The following PTPRF variants were observed in gnomAD, a reference collection of about 807,000 sequenced individuals.
The protein encoded by PTPRF is receptor-type tyrosine-protein phosphatase F.
Under a neutral mutation model 201.8 loss-of-function variants are expected in PTPRF, and 59 were observed. That is an observed-to-expected ratio of 0.29 (90% confidence interval 0.24 to 0.36). The LOEUF (loss-of-function observed/expected upper bound fraction) is 0.36. Among genes scored for constraint, PTPRF ranks in the 10% least tolerant of loss-of-function variants. The pLI, the probability that PTPRF is intolerant of heterozygous loss-of-function variation, is 1.00. For missense variants in PTPRF, 2,132 were observed against 2,690.5 expected (o/e 0.79, Z 4.59); for synonymous variants, 1,088 against 1,089.7 (o/e 1.00, Z 0.03).
intron 3 of PTPRF, among the ~76,000 whole-genome samples, chr1:43,547,463 G>T (rs1015342007): frequency 1.3e-5 from 2 of 152,232 alleles, no homozygotes; most frequent in African/African-American, 4.8e-5. Context: ...AGCCGCAGGA[G>T]CCAGGGTCTG....
chr1:43,615,348 C>A (rs1220220110), intron 23 of PTPRF, among the ~76,000 whole-genome samples: 3 of 152,182 alleles, frequency 2.0e-5, no homozygotes, highest in South Asian at 2.1e-4. Context: ...ATGTCCTACA[C>A]CTGCCCTTCC....
chr1:43,544,176 C>G (rs1312979920), intron 2 of PTPRF, among the ~76,000 whole-genome samples: 5 of 151,984 alleles, frequency 3.3e-5, no homozygotes, highest in African/African-American at 7.3e-5. Context: ...ACATCAGCCC[C>G]TGAGGTTCAC....
Position 43,614,949 on chromosome 1 carries a change from C to T in PTPRF, c.4071+1234C>T, listed in dbSNP as rs1657389075. ...CTCTTCCACCTCCTCCAAGCAGCAGCCTGTGCTTGTCGTTCTGCCTTGTCC... is the reference window on the plus strand; with the variant it reads ...CTCTTCCACCTCCTCCAAGCAGCAGTCTGTGCTTGTCGTTCTGCCTTGTCC... On this transcript the variant is annotated intron_variant, in intron 23 of 33. Coordinates refer to ENST00000359947, the MANE Select transcript of PTPRF (RefSeq NM_002840.5). 2.6e-5 allele frequency among the ~76,000 whole-genome samples: 4 copies of T among 152,178 alleles called. No individual in the cohort carries two copies. In the South Asian group the frequency reaches 8.3e-4, roughly 32 times the overall value.
intron 5 of PTPRF, among the ~76,000 whole-genome samples, chr1:43,568,073 A>C (rs936967055): frequency 6.6e-6 from 1 of 152,048 alleles, no homozygotes; most frequent in African/African-American, 2.4e-5. Context: ...AGGCGGGTAG[A>C]TCACCAGAGG....
chr1:43,599,529 TAG>T (rs995499410), intron 13 of PTPRF, among the ~76,000 whole-genome samples: 1 of 152,144 alleles, frequency 6.6e-6, no homozygotes, highest in Non-Finnish European at 1.5e-5. Context: ...AGTAGCCAAG[TAG>T]AGTGTTGCCC....
At chr1:43,522,109 C>G (rs1262380672), upstream of PTPRF, among the ~76,000 whole-genome samples, 6 of 152,312 alleles carry the variant, frequency 3.9e-5, no homozygotes, top group African/African-American at 1.4e-4. Flanking sequence ...TGGCTTCTTC[C>G]CCTTCTCTGT....
intron 7 of PTPRF, among the ~76,000 whole-genome samples, chr1:43,585,429 C>T (rs913731606): frequency 3.3e-5 from 5 of 152,134 alleles, no homozygotes; most frequent in Non-Finnish European, 5.9e-5. Flanking sequence ...AACGTTTCTG[C>T]GTGGCTGAAG....
rs569057463 is a variant in PTPRF, at chr1:43,578,793, G to T, written c.569-17G>T. 6.2e-7 allele frequency: 1 copy of T among 1,601,894 alleles called. No homozygotes were observed. Among genetic ancestry groups the T allele is most frequent in the East Asian group, 2.2e-5 (1 of 44,706 alleles). On this transcript the variant is annotated splice_polypyrimidine_tract_variant and intron_variant, in intron 6 of 33. Transcript: ENST00000359947. Reference sequence around the variant, plus strand: ...CGACATGGGCCGTGCCTGACCTCTCGCTTCGTGTACCCACAGGTGCCTTGC... The same window carrying T: ...CGACATGGGCCGTGCCTGACCTCTCTCTTCGTGTACCCACAGGTGCCTTGC...
intron 9 of PTPRF, 89 bp downstream of exon 9, chr1:43,591,642 A>T: frequency 6.9e-7 from 1 of 1,448,538 alleles, no homozygotes; most frequent in Non-Finnish European, 9.2e-7. Flanking sequence ...CTCGGCTGTG[A>T]GGCTGGGGGC....
chr1:43,569,551 A>G (rs1250571968), intron 5 of PTPRF, 39 bp from the exon 6 acceptor site: 1 of 1,542,792 alleles, frequency 6.5e-7, no homozygotes, highest in East Asian at 2.3e-5. Flanking sequence ...GGGGGCAGGC[A>G]GAGCCAGCCC....
chr1:43,522,544 C>G (rs542371200), upstream of PTPRF, among the ~76,000 whole-genome samples: 1 of 152,252 alleles, frequency 6.6e-6, no homozygotes, highest in East Asian at 1.9e-4. Flanking sequence ...AGGCATCAAT[C>G]CATTAAATGT....
chr1:43,558,388 A>G (rs976735348), intron 5 of PTPRF, among the ~76,000 whole-genome samples: 1 of 151,998 alleles, frequency 6.6e-6, no homozygotes, highest in Admixed American at 6.6e-5. Context: ...AGCCCGTGGG[A>G]GTGCCCCCCC....
intron 5 of PTPRF, among the ~76,000 whole-genome samples, chr1:43,567,005 T>G (rs188346010): frequency 6.6e-6 from 1 of 152,274 alleles, no homozygotes; most frequent in East Asian, 1.9e-4. Flanking sequence ...CAGAGTAGAT[T>G]CCGAGACACA....
chr1:43,543,164 A>G (rs560966495), intron 2 of PTPRF, among the ~76,000 whole-genome samples: 27 of 152,278 alleles, frequency 1.8e-4, no homozygotes, highest in Non-Finnish European at 2.8e-4. Context: ...CTGGCATAGG[A>G]TACCAGATGT....
rs368723795 is a variant in PTPRF at position 43,606,375 on chromosome 1, C to T, written c.3619C>T (p.Arg1207Trp). Residue 1207 changes from arginine (R) to tryptophan (W), a missense_variant, in exon 20 of 34, where the codon CGG (arginine) becomes TGG (tryptophan). By Grantham distance (101) the Arg-to-Trp change is moderately radical. Coordinates refer to ENST00000359947, the MANE Select transcript of PTPRF (RefSeq NM_002840.5). ...TFTLGDKKNY[R>W]GFYNRPLSPD... is the part of the protein sequence containing the mutation. Reference sequence around the variant, plus strand: ...TACCTTGGGGGACAAGAAGAACTACCGGGGCTTCTACAACCGGCCCCTGTC... The same window carrying T: ...TACCTTGGGGGACAAGAAGAACTACTGGGGCTTCTACAACCGGCCCCTGTC... The T allele has an allele frequency of 2.8e-5, 45 of 1,614,078 alleles. No individual in the cohort carries two copies. The highest frequency in any genetic ancestry group is 4.5e-5 in the East Asian group (2 of 44,894).
At position 43,605,195 on chromosome 1, in the gene PTPRF, G is replaced by A. The variant is rs777955248; in HGVS notation, c.3141G>A (p.Leu1047=). ...GCCCCTCCCGTCCCCCACAGATTCTGTACAATGGGCAGAGTGTGGAGGTGG... is the reference window on the plus strand; with the variant it reads ...GCCCCTCCCGTCCCCCACAGATTCTATACAATGGGCAGAGTGTGGAGGTGG... The part of the protein sequence containing the change: ...SYKSAVPFKI[L]YNGQSVEVDG... Residue 1047 remains leucine (L), a synonymous_variant, in exon 18 of 34, where the codon CTG becomes CTA. Coordinates refer to ENST00000359947, the MANE Select transcript of PTPRF (RefSeq NM_002840.5). The A allele has an allele frequency of 1.1e-5, 18 of 1,598,446 alleles. No homozygotes were observed. The highest frequency in any genetic ancestry group is 1.5e-5 in the Non-Finnish European group (18 of 1,168,392).
intron 13 of PTPRF, among the ~76,000 whole-genome samples, chr1:43,599,310 A>G (rs925850788): frequency 5.3e-5 from 8 of 152,162 alleles, no homozygotes; most frequent in Non-Finnish European, 1.0e-4. Context: ...TCCTGACCTC[A>G]GGTGATCCGC....
At chr1:43,563,884 G>A (rs745626196) in intron 5 of PTPRF, among the ~76,000 whole-genome samples, 5 of 152,066 alleles carry the variant, frequency 3.3e-5, no homozygotes, top group Admixed American at 6.5e-5. Context: ...AGTGTGGGTC[G>A]GGTGTATGCG....
chr1:43,621,169 G>A lies in PTPRF; in HGVS notation c.5592G>A (p.Val1864=). The change falls in exon 33 of 34, where the codon GTG becomes GTA. Residue 1864 remains valine (V), a synonymous_variant. Transcript: ENST00000359947. ...TGGAGCGCATGCGCTACGAGGGCGTGGTCGACATGTTTCAGACCGTGAAGA... is the reference window on the plus strand; with the variant it reads ...TGGAGCGCATGCGCTACGAGGGCGTAGTCGACATGTTTCAGACCGTGAAGA... ...IVLERMRYEG[V]VDMFQTVKTL... 1 of 1,614,172 alleles carries A rather than the reference G, an allele frequency of 6.2e-7. No homozygotes were observed. Among genetic ancestry groups the A allele is most frequent in the Non-Finnish European group, 8.5e-7 (1 of 1,179,992 alleles).
Sources: gnomAD v4.1 joint callset for allele counts (sites outside exome capture counted in the v4.1 genomes callset) on GRCh38, gnomAD v4.1.1 for gene constraint, MANE v1.5 for transcripts, NCBI Gene and HGNC (gene_info 2026-07-23, HGNC 2026-07-21) for gene names.